The following NOP53 variants were observed in gnomAD, a reference collection of about 807,000 sequenced individuals.
NOP53 encodes NOP53 ribosome biogenesis factor.
A neutral mutation model predicts 61.0 loss-of-function variants in NOP53; 40 were observed. That is an observed-to-expected ratio of 0.66 (90% CI 0.51 to 0.85). The LOEUF (loss-of-function observed/expected upper bound fraction) is 0.85. Among genes scored for constraint, NOP53 ranks in the 40% least tolerant of loss-of-function variants. The probability of loss-of-function intolerance (pLI) is 0.00; values close to 1 mark genes in which losing one functional copy is unlikely to be tolerated. For missense variants in NOP53, 689 were observed against 652.9 expected, an observed-to-expected ratio of 1.06 and a Z score of -0.60; for synonymous variants, 308 against 289.5, an observed-to-expected ratio of 1.06 and a Z score of -0.65.
intron 2 of NOP53, 53 bp from the exon 3 acceptor site, chr19:47,750,125 C>T: frequency 2.5e-6 from 3 of 1,179,988 alleles, no homozygotes; most frequent in Middle Eastern, 1.9e-4. Context: ...GGTGGGTGGT[C>T]TTTGGCAGTG....
At position 47,756,530 on chromosome 19, in the gene NOP53, C is replaced by G. The variant is rs11538664; in HGVS notation, c.1299C>G (p.Pro433=). The G allele has an allele frequency of 1.7e-4, 271 of 1,613,604 alleles. No homozygotes were observed. The highest frequency in any genetic ancestry group is 2.2e-4 in the Non-Finnish European group (257 of 1,179,704). Residue 433 remains proline, a splice_region_variant and synonymous_variant, in exon 11 of 13, where the codon CCC becomes CCG. Transcript: ENST00000246802. The part of the protein sequence containing the change: ...ELTDSLRTLK[P]EGNILRDRFK... ...AGGCCTCCCTCTCTGTCCTGTAGCC[C>G]GAGGGCAACATCCTTCGAGACCGGT... is the stretch of plus-strand genomic sequence containing the variant.
Position 47,754,622 on chromosome 19 carries a change from C to G in NOP53, c.861C>G (p.Ala287=). 6.5e-7 allele frequency: 1 copy of G among 1,549,280 alleles called. No individual in the cohort carries two copies. The highest frequency in any genetic ancestry group is 2.4e-5 in the East Asian group (1 of 41,030). ...TGGCCCTGCCCGCCACGGAGCAGGCCGCCACCCAGGTGAGCCCCGCACCTG... is the reference window on the plus strand; with the variant it reads ...TGGCCCTGCCCGCCACGGAGCAGGCGGCCACCCAGGTGAGCCCCGCACCTG... ...RQLALPATEQ[A]ATQESTFQEL... The change falls in exon 7 of 13, where the codon GCC becomes GCG. Residue 287 remains alanine, a synonymous_variant. Coordinates refer to ENST00000246802, the MANE Select transcript of NOP53 (RefSeq NM_015710.5). This position sits in a 1 kb window ranked among gnomAD's most constrained non-coding sequence, Gnocchi z 4.2.
rs1399291402 is a variant in NOP53 at position 47,746,909 on chromosome 19, G to A, written c.225-58G>A. On this transcript the variant is annotated intron_variant, in intron 1 of 12. Transcript: ENST00000246802. ...GGAAGATGAAGGCTGGACCTGCCAG[G>A]TTAAATCTCTTTCCTCTCCAACATC... 9.0e-6 allele frequency: 13 copies of A among 1,446,772 alleles called. No individual in the cohort carries two copies. The East Asian group carries it at 2.5e-4, about 28-fold the overall frequency. 89.6% of individuals were successfully genotyped at this position (1,446,772 alleles called of 1,614,324 possible). A position where few individuals can be genotyped will look rare whatever the true frequency, so the allele number is the denominator to read the frequency against.
rs148714201 is a variant in NOP53, at chr19:47,751,148, G to A, written c.598+41G>A. ...GTCACCTATGAATGGGGACAGGACG[G>A]CCATGTGCAGTTTGTGTGTGTTGTG... On this transcript the variant is annotated intron_variant, in intron 4 of 12. Transcript: ENST00000246802. The A allele has an allele frequency of 7.5e-5, 114 of 1,518,652 alleles. No homozygotes were observed. In the East Asian group the frequency reaches 2.3e-3, roughly 31 times the overall value. 94.1% of individuals were successfully genotyped at this position (1,518,652 alleles called of 1,614,324 possible).
At chr19:47,747,641 C>T (rs923222952) in intron 2 of NOP53, among the ~76,000 whole-genome samples, 2 of 150,704 alleles carry the variant, frequency 1.3e-5, no homozygotes, top group African/African-American at 4.9e-5. Flanking sequence ...TTTTTTGAGA[C>T]AGTGTTGCGC....
intron 5 of NOP53, 110 bp downstream of exon 5, chr19:47,751,700 C>T (rs572843455): frequency 1.1e-5 from 9 of 846,700 alleles, no homozygotes; most frequent in East Asian, 7.8e-5. Flanking sequence ...TCCCAGTGGC[C>T]GAGAACTCTG....
chr19:47,753,752 G>A lies in NOP53; in HGVS notation c.766-775G>A, dbSNP rs546983884. 5 of 152,344 alleles carry A rather than the reference G, an allele frequency of 3.3e-5. No homozygotes were observed. The South Asian group carries it at 6.2e-4, about 19-fold the overall frequency. 9.4% of individuals were successfully genotyped at this position (152,344 alleles called of 1,614,324 possible). A position where few individuals can be genotyped will look rare whatever the true frequency, so the allele number is the denominator to read the frequency against. ...TTTTAGATTTGTACAGAACTACTTC[G>A]TAGAGATAAAATTCACTTAACCATA... On this transcript the variant is annotated intron_variant, in intron 6 of 12. Coordinates refer to ENST00000246802, the MANE Select transcript of NOP53 (RefSeq NM_015710.5).
In NOP53 at chr19:47,757,042, A is replaced by G. The variant is rs749097295; in HGVS notation, c.*37A>G. On this transcript the variant is annotated 3_prime_UTR_variant, in exon 13 of 13. Coordinates refer to ENST00000246802, the MANE Select transcript of NOP53 (RefSeq NM_015710.5). ...TGCCGGAGACTCGCCCTTCAATAAAAAATCTCTTCTAGCTGATCAGTGGGC... is the reference window on the plus strand; with the variant it reads ...TGCCGGAGACTCGCCCTTCAATAAAGAATCTCTTCTAGCTGATCAGTGGGC... 6.2e-6 allele frequency: 10 copies of G among 1,612,494 alleles called. No homozygotes were observed. The highest frequency in any genetic ancestry group is 1.7e-5 in the Admixed American group (1 of 59,996).
rs149898207 is a variant in NOP53 at position 47,747,657 on chromosome 19, T to C, written c.289+626T>C. ...TTTTTGAGACAGTGTTGCGCTGTCA[T>C]CCAGGCTGGAGTACAGTGGTGTGAT... is the stretch of plus-strand genomic sequence containing the variant. On this transcript the variant is annotated intron_variant, in intron 2 of 12. Transcript: ENST00000246802. Among the ~76,000 whole-genome samples, 584 of 150,926 alleles carry C rather than the reference T, an allele frequency of 3.9e-3. 5 individuals are homozygous for C. Among genetic ancestry groups the C allele is most frequent in the African/African-American group, 0.014 (567 of 41,234 alleles).
chr19:47,754,970 G>A lies in NOP53; in HGVS notation c.1053+79G>A, dbSNP rs1294502201. On this transcript the variant is annotated intron_variant, in intron 8 of 12. Transcript: ENST00000246802. The surrounding 1 kb of genome is among the most constrained non-coding windows in gnomAD (Gnocchi z 4.2). Reference sequence around the variant, plus strand: ...TTCCTCCCACCATGGGCTGCCCTGGGTGCTGCGGGCAGCCTGCACACCCCA... The same window carrying A: ...TTCCTCCCACCATGGGCTGCCCTGGATGCTGCGGGCAGCCTGCACACCCCA... 11 of 1,337,944 alleles carry A rather than the reference G, an allele frequency of 8.2e-6. No homozygotes were observed. 82.9% of individuals were successfully genotyped at this position (1,337,944 alleles called of 1,614,324 possible). A position where few individuals can be genotyped will look rare whatever the true frequency, so the allele number is the denominator to read the frequency against.
At chr19:47,749,407 G>A (rs898686411) in intron 2 of NOP53, among the ~76,000 whole-genome samples, 5 of 152,150 alleles carry the variant, frequency 3.3e-5, no homozygotes, top group Admixed American at 6.6e-5. Context: ...AACCAGGTCA[G>A]CCCCTGTGCT....
intron 2 of NOP53, among the ~76,000 whole-genome samples, 162 bp downstream of exon 2, chr19:47,747,193 A>G (rs1967075366): frequency 6.6e-6 from 1 of 152,180 alleles, no homozygotes; most frequent in Admixed American, 6.6e-5. Context: ...GCAGAAAGCA[A>G]GCTGGAGACG....
chr19:47,756,858 G>T, intron 12 of NOP53, 114 bp downstream of exon 12: 1 of 1,502,284 alleles, frequency 6.7e-7, no homozygotes, highest in Non-Finnish European at 9.3e-7. Flanking sequence ...ACACCCCCTT[G>T]GCCATGCCCA....
intron 1 of NOP53, chr19:47,746,159 T>C (rs868137404): frequency 1.1e-5 from 2 of 184,358 alleles, no homozygotes; most frequent in Non-Finnish European, 2.3e-5. Context: ...TGTATATATA[T>C]ATGTGTATAT....
In NOP53 at chr19:47,756,678, C is replaced by T. The variant is rs1967204602; in HGVS notation, c.1374-10C>T. The stretch of plus-strand genomic sequence containing the variant: ...CCCGGGCACTGATTGCTCCATTGTC[C>T]CTGCTCCAGGTTCAAACGCAAGTAC... On this transcript the variant is annotated splice_polypyrimidine_tract_variant and intron_variant, in intron 11 of 12. Transcript: ENST00000246802. 2 of 1,613,822 alleles carry T rather than the reference C, an allele frequency of 1.2e-6. No homozygotes were observed. Among genetic ancestry groups the T allele is most frequent in the Non-Finnish European group, 8.5e-7 (1 of 1,179,994 alleles).
In NOP53 at chr19:47,754,250, C is replaced by T. The variant is rs1365579286; in HGVS notation, c.766-277C>T. 9.2e-6 allele frequency: 4 copies of T among 433,036 alleles called. No homozygotes were observed. Among genetic ancestry groups the T allele is most frequent in the Non-Finnish European group, 1.7e-5 (4 of 237,992 alleles). The allele number at this position is 433,036 out of a possible 1,614,324, so 26.8% of individuals were successfully genotyped here. A position where few individuals can be genotyped will look rare whatever the true frequency, so the allele number is the denominator to read the frequency against. On this transcript the variant is annotated intron_variant, in intron 6 of 12. Transcript: ENST00000246802. This position sits in a 1 kb window ranked among gnomAD's most constrained non-coding sequence, Gnocchi z 4.2. ...TGAGATCACACCATTGCACTCCAGTCTGGGCAACAAGACAGAAACTCTATC... is the reference window on the plus strand; with the variant it reads ...TGAGATCACACCATTGCACTCCAGTTTGGGCAACAAGACAGAAACTCTATC...
intron 2 of NOP53, among the ~76,000 whole-genome samples, chr19:47,748,545 T>C (rs1483169560): frequency 1.3e-5 from 2 of 151,918 alleles, no homozygotes; most frequent in Non-Finnish European, 2.9e-5. Context: ...AGTGACCAGA[T>C]AGAGTGGAAG....
chr19:47,755,471 C>CAGGCGCGGCGGG lies in NOP53; in HGVS notation c.1182_1193dup (p.Arg395_Ala398dup). On this transcript the variant is annotated inframe_insertion, in exon 9 of 13. Transcript: ENST00000246802. ...GCTGGCGCGGCGGCAGAGGCGGCGG[C>CAGGCGCGGCGGG]AGGCGCGGCGGGAGGCTGAGGCTGA... is the stretch of plus-strand genomic sequence containing the variant. 1 of 1,492,046 alleles carries CAGGCGCGGCGGG rather than the reference C, an allele frequency of 6.7e-7. No individual in the cohort carries two copies. Among genetic ancestry groups the CAGGCGCGGCGGG allele is most frequent in the Non-Finnish European group, 8.9e-7 (1 of 1,125,470 alleles). The allele number at this position is 1,492,046 out of a possible 1,614,324, so 92.4% of individuals were successfully genotyped here. A position where few individuals can be genotyped will look rare whatever the true frequency, so the allele number is the denominator to read the frequency against.
chr19:47,751,693 C>T (rs1249548783), intron 5 of NOP53, 103 bp downstream of exon 5: 17 of 899,378 alleles, frequency 1.9e-5, no homozygotes, highest in Non-Finnish European at 3.1e-5. Flanking sequence ...CCTTCCATCC[C>T]AGTGGCCGAG....
Sources: gnomAD v4.1 joint callset for allele counts (sites outside exome capture counted in the v4.1 genomes callset) on GRCh38, gnomAD v4.1.1 for gene constraint, Gnocchi (gnomAD v3.1) non-coding constraint, MANE v1.5 for transcripts, NCBI Gene and HGNC (gene_info 2026-07-23, HGNC 2026-07-21) for gene names.